PPEF2: variants seen among roughly 807,000 people sequenced by gnomAD.
PPEF2 encodes protein phosphatase with EF-hand domain 2.
PPEF2 carries 84 observed loss-of-function variants against 84.7 expected under a neutral mutation model. That is an observed-to-expected ratio of 0.99 (90% CI 0.83 to 1.19). The LOEUF (loss-of-function observed/expected upper bound fraction) is 1.19. Among genes scored for constraint, PPEF2 ranks in the 50% most tolerant of loss-of-function variants. The pLI, the probability that PPEF2 is intolerant of heterozygous loss-of-function variation, is 0.00. For synonymous variants in PPEF2, 346 were observed against 345.2 expected, an observed-to-expected ratio of 1.00 and a Z score of -0.03; for missense variants, 924 against 937.5, an observed-to-expected ratio of 0.99 and a Z score of 0.19.
At chr4:75,886,182 G>A (rs1372173379) in intron 7 of PPEF2, among the ~76,000 whole-genome samples, 1 of 152,168 alleles carries the variant, frequency 6.6e-6, no homozygotes. Flanking sequence ...TTGACTGAAT[G>A]CCTCTAAGTC....
At chr4:75,892,025 G>A in intron 2 of PPEF2, 47 bp from the exon 3 acceptor site, 1 of 1,600,808 alleles carries the variant, frequency 6.2e-7, no homozygotes. Context: ...GACTCCCTGG[G>A]CCAGGGGTTT....
chr4:75,866,886 T>C (rs1306166322), intron 14 of PPEF2, among the ~76,000 whole-genome samples: 3 of 152,238 alleles, frequency 2.0e-5, no homozygotes, highest in Non-Finnish European at 4.4e-5. Flanking sequence ...GAATATATTT[T>C]GTCAATGTCC....
At chr4:75,863,257 C>T (rs1724047885) in intron 16 of PPEF2, among the ~76,000 whole-genome samples, 1 of 151,028 alleles carries the variant, frequency 6.6e-6, no homozygotes, top group African/African-American at 2.4e-5. Context: ...TTTGGGAGAT[C>T]TAGGTGGGTG....
At chr4:75,875,069 T>C (rs577308642) in intron 11 of PPEF2, among the ~76,000 whole-genome samples, 56 of 151,082 alleles carry the variant, frequency 3.7e-4, no homozygotes, top group Non-Finnish European at 4.3e-4. Context: ...GCCTGGCTAA[T>C]TTTTTTTTGT....
chr4:75,875,125 T>TCTATCTC (rs1174659046), intron 11 of PPEF2, among the ~76,000 whole-genome samples: 10 of 151,966 alleles, frequency 6.6e-5, no homozygotes, highest in African/African-American at 2.4e-4. Flanking sequence ...AAGGATGGTC[T>TCTATCTC]CTATCTCCTG....
intron 14 of PPEF2, 101 bp downstream of exon 14, chr4:75,867,212 C>A: frequency 2.6e-6 from 2 of 779,794 alleles, no homozygotes; most frequent in Non-Finnish European, 4.0e-6. Context: ...AACTTTGGGT[C>A]ACTCATTAAA....
intron 13 of PPEF2, among the ~76,000 whole-genome samples, chr4:75,869,869 A>G (rs1724227818): frequency 6.6e-6 from 1 of 151,608 alleles, no homozygotes; most frequent in African/African-American, 2.4e-5. Flanking sequence ...AAAAAAAGAA[A>G]AAAGAAAAAC....
chr4:75,876,684 C>G lies in PPEF2; in HGVS notation c.934-11G>C, dbSNP rs767329770. On this transcript the variant is annotated splice_polypyrimidine_tract_variant and intron_variant, in intron 10 of 16. Transcript: ENST00000286719. ...CATGGTGGAAACTATCTAAACACGT[C>G]CAGAAAGAGATACAGATGCTGGAAT... 3.9e-6 allele frequency: 6 copies of G among 1,522,108 alleles called. No homozygotes were observed. The highest frequency in any genetic ancestry group is 2.2e-5 in the Admixed American group (1 of 46,276). 94.3% of individuals were successfully genotyped at this position (1,522,108 alleles called of 1,614,324 possible).
At chr4:75,898,141 C>G (rs1206768286) in intron 1 of PPEF2, among the ~76,000 whole-genome samples, 1 of 152,230 alleles carries the variant, frequency 6.6e-6, no homozygotes, top group African/African-American at 2.4e-5. Flanking sequence ...TGTTTGTGGC[C>G]TAAGAATGCC....
intron 16 of PPEF2, 123 bp downstream of exon 16, chr4:75,864,317 T>A: frequency 1.4e-6 from 1 of 736,690 alleles, no homozygotes; most frequent in Non-Finnish European, 2.3e-6. Context: ...AGCACTAATC[T>A]TCTTACCTTG....
intron 16 of PPEF2, among the ~76,000 whole-genome samples, chr4:75,861,441 T>TG (rs11396943): frequency 0.44 from 64,888 of 146,320 alleles, 15,980 homozygotes; most frequent in East Asian, 0.87. Context: ...TCAACAATGA[T>TG]GGGGGACAAG....
At chr4:75,900,884 T>C (rs1283938683) in intron 1 of PPEF2, among the ~76,000 whole-genome samples, 1 of 152,012 alleles carries the variant, frequency 6.6e-6, no homozygotes, top group Admixed American at 6.6e-5. Context: ...CCCCAAGATA[T>C]ATTGTTACAT....
At chr4:75,868,945 G>A (rs976034767) in intron 13 of PPEF2, among the ~76,000 whole-genome samples, 1 of 151,950 alleles carries the variant, frequency 6.6e-6, no homozygotes, top group Non-Finnish European at 1.5e-5. Context: ...GGAGTTCGAG[G>A]TTACAGTAAG....
At position 75,899,219 on chromosome 4, in the gene PPEF2, A is replaced by G. The variant is rs558957651; in HGVS notation, c.-58-2836T>C. ...CCTTTTTATGGCTGAATAGTATTCC[A>G]CTGTACATATATACTACATTTTCTT... On this transcript the variant is annotated intron_variant, in intron 1 of 16. Coordinates refer to ENST00000286719, the MANE Select transcript of PPEF2 (RefSeq NM_006239.3). 6.6e-5 allele frequency among the ~76,000 whole-genome samples: 10 copies of G among 152,318 alleles called. No individual in the cohort carries two copies. In the South Asian group the frequency reaches 1.9e-3, roughly 28 times the overall value.
intron 4 of PPEF2, 97 bp from the exon 5 acceptor site, chr4:75,890,229 T>G: frequency 1.5e-6 from 2 of 1,370,086 alleles, no homozygotes; most frequent in Non-Finnish European, 2.0e-6. Context: ...GGTGGCTCTC[T>G]AATCCCAGAA....
At chr4:75,890,586 G>A (rs1369397519) in intron 4 of PPEF2, among the ~76,000 whole-genome samples, 2 of 152,008 alleles carry the variant, frequency 1.3e-5, no homozygotes, top group African/African-American at 4.8e-5. Flanking sequence ...AAAAAGGAAG[G>A]AGAAAGTGAC....
chr4:75,870,400 A>C (rs1241169670), intron 13 of PPEF2, among the ~76,000 whole-genome samples: 1 of 152,214 alleles, frequency 6.6e-6, no homozygotes, highest in Non-Finnish European at 1.5e-5. Flanking sequence ...GCCTATATTT[A>C]ATAACTTGAG....
intron 1 of PPEF2, among the ~76,000 whole-genome samples, chr4:75,898,176 G>A (rs1046533024): frequency 2.6e-5 from 4 of 152,212 alleles, no homozygotes; most frequent in East Asian, 1.9e-4. Context: ...TGCCCTGGGC[G>A]GGCCAGATGT....
intron 12 of PPEF2, among the ~76,000 whole-genome samples, chr4:75,872,568 T>C (rs1010774509): frequency 4.6e-5 from 7 of 152,210 alleles, no homozygotes; most frequent in Non-Finnish European, 1.0e-4. Flanking sequence ...TACGGAATGT[T>C]GTGGCTCCTC....
Sources: allele counts gnomAD v4.1 joint callset (sites outside exome capture counted in the v4.1 genomes callset), GRCh38; gene constraint gnomAD v4.1.1; transcripts MANE v1.5; gene names NCBI Gene and HGNC (gene_info 2026-07-23, HGNC 2026-07-21).